Variants in ZNF624 observed in about 807,000 individuals in gnomAD.
The protein encoded by ZNF624 is zinc finger protein 624.
Under a neutral mutation model 74.7 loss-of-function variants are expected in ZNF624, and 43 were observed. The ratio of observed to expected loss-of-function variants is 0.58; its 90% CI spans 0.45 to 0.74. The LOEUF is 0.74. ZNF624 is among the 30% of genes least tolerant of loss of function. The probability of loss-of-function intolerance (pLI) is 0.00; values close to 1 mark genes in which losing one functional copy is unlikely to be tolerated. For missense variants in ZNF624, 820 were observed against 1,030.0 expected, an observed-to-expected ratio of 0.80 and a Z score of 2.79; for synonymous variants, 331 against 341.3, an observed-to-expected ratio of 0.97 and a Z score of 0.33.
intron 5 of ZNF624, among the ~76,000 whole-genome samples, chr17:16,628,566 TG>T (rs1909128794): frequency 6.6e-6 from 1 of 151,640 alleles, no homozygotes; most frequent in Non-Finnish European, 1.5e-5. Flanking sequence ...GTTAGGGAAA[TG>T]GAAGATAGGT....
chr17:16,614,258 A>G, the ZNF624 span, among the ~76,000 whole-genome samples: 1 of 152,086 alleles, frequency 6.6e-6, no homozygotes, highest in South Asian at 2.1e-4. Context: ...CTATAAAAGT[A>G]GGTGGGTTTT....
chr17:16,624,666 A>C (rs1317272403), intron 5 of ZNF624, 157 bp from the exon 6 acceptor site: 1 of 693,306 alleles, frequency 1.4e-6, no homozygotes, highest in Non-Finnish European at 2.2e-6. Flanking sequence ...GGTAGGGTTA[A>C]GGGAGGCTGG....
downstream of ZNF624, chr17:16,617,316 T>C (rs2073638351): frequency 6.2e-7 from 1 of 1,613,694 alleles, no homozygotes; most frequent in Admixed American, 1.7e-5. Flanking sequence ...CAGAGTAAGA[T>C]CGCCTATGGC....
At chr17:16,645,961 A>AAAG (rs1555906165) in intron 3 of ZNF624, among the ~76,000 whole-genome samples, 4 of 151,110 alleles carry the variant, frequency 2.6e-5, no homozygotes, top group Non-Finnish European at 4.4e-5. Flanking sequence ...AAAAAAAAAA[A>AAAG]AAAAGAAAAT....
chr17:16,616,933 G>C, downstream of ZNF624: 17 of 1,553,760 alleles, frequency 1.1e-5, no homozygotes, highest in Non-Finnish European at 1.3e-5. Flanking sequence ...TTTTGGTGGA[G>C]GGGACACAGA....
chr17:16,627,661 C>T lies in ZNF624; in HGVS notation c.377-3152G>A, dbSNP rs115430502. Among the ~76,000 whole-genome samples, 1,207 of 152,234 alleles carry T rather than the reference C, an allele frequency of 7.9e-3. 11 individuals carry two copies. Among genetic ancestry groups the T allele is most frequent in the African/African-American group, 0.027 (1,129 of 41,514 alleles). Reference sequence around the variant, plus strand: ...AGTCATAGGGCAAGAAAGACAGAGACGGATTTAGGTCCATTAAGGAGGACA... The same window carrying T: ...AGTCATAGGGCAAGAAAGACAGAGATGGATTTAGGTCCATTAAGGAGGACA... On this transcript the variant is annotated intron_variant, in intron 5 of 5. Transcript: ENST00000311331.
intron 3 of ZNF624, among the ~76,000 whole-genome samples, chr17:16,635,690 GT>G (rs1269966554): frequency 8.5e-5 from 13 of 152,066 alleles, no homozygotes; most frequent in African/African-American, 2.7e-4. Flanking sequence ...TGACAGACAT[GT>G]TATTGTTTAA....
intron 5 of ZNF624, among the ~76,000 whole-genome samples, chr17:16,628,235 C>T (rs1218716651): frequency 6.6e-6 from 1 of 151,922 alleles, no homozygotes; most frequent in Non-Finnish European, 1.5e-5. Flanking sequence ...TGCACTCCAG[C>T]CTGGGTAAAA....
Position 16,622,156 on chromosome 17 carries a change from C to T in ZNF624, c.*132G>A. The T allele has an allele frequency of 3.4e-6, 2 of 591,624 alleles. No individual in the cohort carries two copies. Among genetic ancestry groups the T allele is most frequent in the Non-Finnish European group, 5.3e-6 (2 of 377,398 alleles). 36.6% of individuals were successfully genotyped at this position (591,624 alleles called of 1,614,324 possible). A position where few individuals can be genotyped will look rare whatever the true frequency, so the allele number is the denominator to read the frequency against. ...AGATTTAATATTATTAAATGATTTCCCACATAATTGCTTATAGTTTCTCTG... is the reference window on the plus strand; with the variant it reads ...AGATTTAATATTATTAAATGATTTCTCACATAATTGCTTATAGTTTCTCTG... On this transcript the variant is annotated 3_prime_UTR_variant, in exon 6 of 6. Transcript: ENST00000311331.
chr17:16,628,126 G>T (rs1909116832), intron 5 of ZNF624, among the ~76,000 whole-genome samples: 1 of 152,116 alleles, frequency 6.6e-6, no homozygotes, highest in South Asian at 2.1e-4. Flanking sequence ...GGCCAGGCAT[G>T]GTGGTGCATG....
At chr17:16,637,203 T>A (rs1783842147) in intron 3 of ZNF624, among the ~76,000 whole-genome samples, 1 of 152,152 alleles carries the variant, frequency 6.6e-6, no homozygotes. Context: ...TACAAACCAC[T>A]GCTCAATGAA....
chr17:16,626,456 G>GA (rs1909074907), intron 5 of ZNF624, among the ~76,000 whole-genome samples: 1 of 151,956 alleles, frequency 6.6e-6, no homozygotes, highest in Non-Finnish European at 1.5e-5. Context: ...TTTGCTCTCA[G>GA]AAAAAAAGCT....
At chr17:16,619,567 C>G (rs1017552264), downstream of ZNF624, among the ~76,000 whole-genome samples, 13 of 152,164 alleles carry the variant, frequency 8.5e-5, no homozygotes, top group Non-Finnish European at 1.6e-4. Flanking sequence ...AAAAAGCCAA[C>G]ACATATCGAA....
chr17:16,625,793 T>G (rs1909056795), intron 5 of ZNF624, among the ~76,000 whole-genome samples: 1 of 152,210 alleles, frequency 6.6e-6, no homozygotes, highest in Non-Finnish European at 1.5e-5. Flanking sequence ...GGGATACTGG[T>G]CTTACAATGT....
chr17:16,622,161 T>A lies in ZNF624; in HGVS notation c.*127A>T. The stretch of plus-strand genomic sequence containing the variant: ...TAATATTATTAAATGATTTCCCACA[T>A]AATTGCTTATAGTTTCTCTGTATAC... On this transcript the variant is annotated 3_prime_UTR_variant, in exon 6 of 6. Coordinates refer to ENST00000311331, the MANE Select transcript of ZNF624 (RefSeq NM_020787.4). 1 of 624,552 alleles carries A rather than the reference T, an allele frequency of 1.6e-6. No homozygotes were observed. Among genetic ancestry groups the A allele is most frequent in the Non-Finnish European group, 2.5e-6 (1 of 403,976 alleles). The allele number at this position is 624,552 out of a possible 1,614,324, so 38.7% of individuals were successfully genotyped here.
chr17:16,643,508 A>T (rs1909514415), intron 3 of ZNF624, among the ~76,000 whole-genome samples: 1 of 152,236 alleles, frequency 6.6e-6, no homozygotes. Context: ...AGTGGTTGTC[A>T]GAGGCTGTAA....
At chr17:16,636,748 A>C (rs1476458623) in intron 3 of ZNF624, among the ~76,000 whole-genome samples, 1 of 151,974 alleles carries the variant, frequency 6.6e-6, no homozygotes, top group Non-Finnish European at 1.5e-5. Flanking sequence ...AGGCAGGAGA[A>C]TGGCATGAAC....
At chr17:16,643,484 C>A (rs1909514072) in intron 3 of ZNF624, among the ~76,000 whole-genome samples, 1 of 152,072 alleles carries the variant, frequency 6.6e-6, no homozygotes, top group Non-Finnish European at 1.5e-5. Flanking sequence ...CAAATCTATA[C>A]AGATGAAAAG....
rs946806457 is a variant in ZNF624 at position 16,648,294 on chromosome 17, T to C, written c.88-900A>G. On this transcript the variant is annotated intron_variant, in intron 2 of 5. Coordinates refer to ENST00000311331, the MANE Select transcript of ZNF624 (RefSeq NM_020787.4). ...AATGAAATTTTACTTTACCTTCTAG[T>C]TGTAGTTATCCATTTCAGATGCTGT... 3.9e-5 allele frequency among the ~76,000 whole-genome samples: 6 copies of C among 152,318 alleles called. No homozygotes were observed. In the East Asian group the frequency reaches 9.6e-4, roughly 24 times the overall value.
Sources: allele counts gnomAD v4.1 joint callset (sites outside exome capture counted in the v4.1 genomes callset), GRCh38; gene constraint gnomAD v4.1.1; transcripts MANE v1.5; gene names NCBI Gene and HGNC (gene_info 2026-07-23, HGNC 2026-07-21).